HCN1: variants seen among roughly 807,000 people sequenced by gnomAD.
HCN1 encodes the protein potassium/sodium hyperpolarization-activated cyclic nucleotide-gated channel 1.
Under a neutral mutation model 78.9 loss-of-function variants are expected in HCN1, and 13 were observed. The observed-to-expected ratio is 0.16, with a 90% CI of 0.11 to 0.26. The LOEUF (loss-of-function observed/expected upper bound fraction) is 0.26, where lower values mean the gene tolerates loss of function less well. Ranked by LOEUF, HCN1 falls within the 10% of genes least tolerant of loss-of-function variation. The pLI is 1.00. For missense variants in HCN1, 810 were observed against 1,154.3 expected (o/e 0.70, Z 4.32); for synonymous variants, 552 against 455.5 (o/e 1.21, Z -2.70).
chr5:45,425,481 A>T (rs1406025165), intron 3 of HCN1, among the ~76,000 whole-genome samples: 1 of 152,224 alleles, frequency 6.6e-6, no homozygotes, highest in African/African-American at 2.4e-5. Flanking sequence ...GAACTGGGTA[A>T]GTTAGTGATT....
chr5:45,377,654 C>T (rs1263236119), intron 4 of HCN1, among the ~76,000 whole-genome samples: 2 of 151,952 alleles, frequency 1.3e-5, no homozygotes, highest in African/African-American at 4.8e-5. Context: ...ATGTTGACAC[C>T]TATCTCCCTA....
intron 2 of HCN1, among the ~76,000 whole-genome samples, chr5:45,586,153 G>C (rs1453378670): frequency 1.3e-5 from 2 of 152,144 alleles, no homozygotes; most frequent in Non-Finnish European, 2.9e-5. Context: ...AGGCTTCCTT[G>C]AGCCGCAGCT....
chr5:45,443,317 T>G (rs1239330524), intron 3 of HCN1, among the ~76,000 whole-genome samples: 1 of 152,088 alleles, frequency 6.6e-6, no homozygotes, highest in Non-Finnish European at 1.5e-5. Context: ...TTTCTTGCTA[T>G]TTGAACTTTT....
chr5:45,332,086 C>G (rs989925274), intron 5 of HCN1, among the ~76,000 whole-genome samples: 3 of 151,394 alleles, frequency 2.0e-5, no homozygotes, highest in Non-Finnish European at 4.4e-5. Flanking sequence ...CTCTGGAAAA[C>G]AGTATTGTCT....
chr5:45,463,327 G>T (rs1351590390), intron 2 of HCN1, among the ~76,000 whole-genome samples: 1 of 151,824 alleles, frequency 6.6e-6, no homozygotes, highest in Non-Finnish European at 1.5e-5. Flanking sequence ...TTTTCAGTTT[G>T]ATATATTTCT....
At chr5:45,646,257 C>T (rs938800787) in intron 1 of HCN1, among the ~76,000 whole-genome samples, 3 of 151,830 alleles carry the variant, frequency 2.0e-5, no homozygotes, top group Non-Finnish European at 2.9e-5. Context: ...AGTTCTACTC[C>T]ATATTTGAAA....
At chr5:45,558,771 T>C (rs75451553) in intron 2 of HCN1, 11,776 of 151,966 alleles carry the variant, frequency 0.077, 599 homozygotes, top group Middle Eastern at 0.15. Flanking sequence ...GTCTATAGTA[T>C]TTATTTATTT....
At chr5:45,566,999 A>C (rs1402691186) in intron 2 of HCN1, among the ~76,000 whole-genome samples, 3 of 152,208 alleles carry the variant, frequency 2.0e-5, no homozygotes, top group African/African-American at 4.8e-5. Context: ...CTTCCAGAGG[A>C]ATTGAGTTGC....
In HCN1 at chr5:45,605,583, TA is replaced by T. The variant is rs889491245; in HGVS notation, c.849+39601del. 3.2e-3 allele frequency among the ~76,000 whole-genome samples: 479 copies of T among 151,240 alleles called. 2 individuals are homozygous for T. The highest frequency in any genetic ancestry group is 0.01 in the African/African-American group (423 of 41,294). ...GTAATGTGGACAGCATTATCAAAATTAAAAAAAAATTGTGCAGATTTTATAA... is the reference window on the plus strand; with the variant it reads ...GTAATGTGGACAGCATTATCAAAATTAAAAAAAATTGTGCAGATTTTATAA... On this transcript the variant is annotated intron_variant, in intron 2 of 7. Transcript: ENST00000303230.
At chr5:45,339,196 G>T (rs1004622379) in intron 5 of HCN1, among the ~76,000 whole-genome samples, 1 of 152,090 alleles carries the variant, frequency 6.6e-6, no homozygotes, top group African/African-American at 2.4e-5. Flanking sequence ...ACTGCATGCT[G>T]GTTACTAGAA....
intron 2 of HCN1, among the ~76,000 whole-genome samples, chr5:45,636,545 G>A (rs1745359151): frequency 1.3e-5 from 2 of 152,088 alleles, no homozygotes; most frequent in African/African-American, 2.4e-5. Flanking sequence ...TATATTTTGG[G>A]GATAAGTAAT....
At chr5:45,385,457 T>G (rs1747891826) in intron 4 of HCN1, among the ~76,000 whole-genome samples, 1 of 152,098 alleles carries the variant, frequency 6.6e-6, no homozygotes, top group Non-Finnish European at 1.5e-5. Flanking sequence ...AGCTATAATA[T>G]TACTGCCAAG....
At chr5:45,374,035 CAT>C (rs1579851191) in intron 4 of HCN1, among the ~76,000 whole-genome samples, 2 of 59,046 alleles carry the variant, frequency 3.4e-5, no homozygotes, top group African/African-American at 1.6e-4. Flanking sequence ...ATATTATATA[CAT>C]AATATATATT....
chr5:45,607,307 A>G (rs1227381314), intron 2 of HCN1, among the ~76,000 whole-genome samples: 1 of 151,740 alleles, frequency 6.6e-6, no homozygotes, highest in Non-Finnish European at 1.5e-5. Flanking sequence ...AGGGTAGTCT[A>G]TTTTATGTGG....
intron 3 of HCN1, among the ~76,000 whole-genome samples, chr5:45,454,534 C>T (rs149732905): frequency 6.0e-5 from 9 of 151,188 alleles, no homozygotes; most frequent in East Asian, 1.9e-4. Flanking sequence ...TATGGCAGTA[C>T]GTTCTATTTT....
rs1744675869 is a variant in HCN1, at chr5:45,258,948, T to C, written c.*2973A>G. On this transcript the variant is annotated 3_prime_UTR_variant, in exon 8 of 8. Transcript: ENST00000303230. ...TATTTCTCATCTGTATATCCAATAA[T>C]TACACAAAATGGTTGTGTTTTGAAG... 1 of 151,994 alleles carries C rather than the reference T, an allele frequency of 6.6e-6. No homozygotes were observed. The highest frequency in any genetic ancestry group is 2.4e-5 in the African/African-American group (1 of 41,434). 9.4% of individuals were successfully genotyped at this position (151,994 alleles called of 1,614,324 possible). A position where few individuals can be genotyped will look rare whatever the true frequency, so the allele number is the denominator to read the frequency against.
At chr5:45,480,794 CAATT>C (rs1741633421) in intron 2 of HCN1, among the ~76,000 whole-genome samples, 1 of 152,120 alleles carries the variant, frequency 6.6e-6, no homozygotes, top group Non-Finnish European at 1.5e-5. Flanking sequence ...CAAAGGAAAA[CAATT>C]AAGAGAGATC....
Position 45,386,203 on chromosome 5 carries a change from C to T in HCN1, c.1230+10289G>A, listed in dbSNP as rs752794276. On this transcript the variant is annotated intron_variant, in intron 4 of 7. Coordinates refer to ENST00000303230, the MANE Select transcript of HCN1 (RefSeq NM_021072.4). ...GATTTTTTTTTTTTTTTGGACAGGGCCTTGCTGTGTCTCCCATGCTGGAGT... is the reference window on the plus strand; with the variant it reads ...GATTTTTTTTTTTTTTTGGACAGGGTCTTGCTGTGTCTCCCATGCTGGAGT... Among the ~76,000 whole-genome samples the T allele has an allele frequency of 2.4e-3, 343 of 142,620 alleles. 1 individual carries two copies. Among genetic ancestry groups the T allele is most frequent in the Non-Finnish European group, 3.8e-3 (255 of 66,278 alleles). 93.6% of individuals were successfully genotyped at this position (142,620 alleles called of 152,430 possible).
At chr5:45,319,215 A>G (rs188634341) in intron 5 of HCN1, among the ~76,000 whole-genome samples, 2 of 152,062 alleles carry the variant, frequency 1.3e-5, no homozygotes, top group African/African-American at 4.8e-5. Flanking sequence ...TGTACACCAT[A>G]TATTGGAATT....
Sources: gnomAD v4.1 joint callset for allele counts (sites outside exome capture counted in the v4.1 genomes callset) on GRCh38, gnomAD v4.1.1 for gene constraint, MANE v1.5 for transcripts, NCBI Gene and HGNC (gene_info 2026-07-23, HGNC 2026-07-21) for gene names.